ANK3: variants seen among roughly 807,000 people sequenced by gnomAD.
ANK3 encodes ankyrin-3.
ANK3 carries 57 observed loss-of-function variants against 370.9 expected under a neutral mutation model. That is an observed-to-expected ratio of 0.15 (90% CI 0.12 to 0.19). ANK3 has a LOEUF of 0.19. Among genes scored for constraint, ANK3 ranks in the 10% least tolerant of loss-of-function variants. The pLI is 1.00. For missense variants in ANK3, 4,439 were observed against 5,302.1 expected, an observed-to-expected ratio of 0.84 and a Z score of 5.06; for synonymous variants, 1,929 against 1,946.3, an observed-to-expected ratio of 0.99 and a Z score of 0.23.
chr10:60,100,026 CCATATATGCAAATG>C (rs1284111528), intron 28 of ANK3, among the ~76,000 whole-genome samples: 1 of 152,070 alleles, frequency 6.6e-6, no homozygotes. Flanking sequence ...TCTGGCAAAT[CCATATATGCAAATG>C]CATTAAAAAC....
At chr10:60,534,723 T>A in intron 2 of ANK3, among the ~76,000 whole-genome samples, 1 of 152,148 alleles carries the variant, frequency 6.6e-6, no homozygotes, top group East Asian at 1.9e-4. Context: ...GTGAGAAAAC[T>A]GTAATTAGCC....
At chr10:60,197,573 A>T (rs1440961372) in intron 14 of ANK3, among the ~76,000 whole-genome samples, 1 of 152,238 alleles carries the variant, frequency 6.6e-6, no homozygotes, top group Non-Finnish European at 1.5e-5. Context: ...AAGAGCCCAA[A>T]GAATCACAAG....
At chr10:60,442,005 C>G (rs1252155674) in intron 2 of ANK3, among the ~76,000 whole-genome samples, 1 of 152,028 alleles carries the variant, frequency 6.6e-6, no homozygotes, top group Non-Finnish European at 1.5e-5. Flanking sequence ...GTTTCAGGAC[C>G]CCCTGCAGAC....
At chr10:60,447,578 G>A (rs1485691144) in intron 2 of ANK3, among the ~76,000 whole-genome samples, 2 of 152,126 alleles carry the variant, frequency 1.3e-5, no homozygotes, top group Admixed American at 1.3e-4. Flanking sequence ...AAACAACAAG[G>A]GAATTCCAAA....
chr10:60,495,289 T>C (rs2075625679), intron 2 of ANK3, among the ~76,000 whole-genome samples: 1 of 152,340 alleles, frequency 6.6e-6, no homozygotes, highest in East Asian at 1.9e-4. Flanking sequence ...TCTAGAATGC[T>C]ACTACTCAAA....
intron 7 of ANK3, among the ~76,000 whole-genome samples, chr10:60,248,030 C>T (rs955454914): frequency 6.6e-6 from 1 of 152,210 alleles, no homozygotes; most frequent in African/African-American, 2.4e-5. Context: ...CTTTTTAAGG[C>T]TGAGGAATGT....
chr10:60,121,812 C>A (rs2093493692), intron 25 of ANK3, among the ~76,000 whole-genome samples: 1 of 151,864 alleles, frequency 6.6e-6, no homozygotes, highest in African/African-American at 2.4e-5. Context: ...TTGTTTGTAG[C>A]ACAAAGGACA....
At chr10:60,049,882 CT>C (rs1052131098) in intron 42 of ANK3, among the ~76,000 whole-genome samples, 2 of 152,074 alleles carry the variant, frequency 1.3e-5, no homozygotes, top group Non-Finnish European at 2.9e-5. Context: ...CCGCCTTCCA[CT>C]TTTTTTGCAT....
At position 60,282,817 on chromosome 10, in the gene ANK3, C is replaced by A. The variant is rs116652764; in HGVS notation, c.115-3178G>T. On this transcript the variant is annotated intron_variant, in intron 1 of 43. Coordinates refer to ENST00000280772, the MANE Select transcript of ANK3 (RefSeq NM_020987.5). ...CTTACCACACCAAAACCATAACAACCACCCACTTCAAATAAAAAGGGGGAA... is the reference window on the plus strand; with the variant it reads ...CTTACCACACCAAAACCATAACAACAACCCACTTCAAATAAAAAGGGGGAA... 1.8e-3 allele frequency among the ~76,000 whole-genome samples: 268 copies of A among 152,236 alleles called. 2 individuals carry two copies. Among genetic ancestry groups the A allele is most frequent in the South Asian group, 6.4e-3 (31 of 4,816 alleles).
intron 2 of ANK3, among the ~76,000 whole-genome samples, chr10:60,443,665 C>T (rs2064358933): frequency 1.3e-5 from 2 of 152,040 alleles, no homozygotes; most frequent in South Asian, 2.1e-4. Context: ...AAATAAAAGC[C>T]TTTGACATTC....
At chr10:60,403,199 A>T (rs2063386592) in intron 2 of ANK3, among the ~76,000 whole-genome samples, 1 of 152,222 alleles carries the variant, frequency 6.6e-6, no homozygotes, top group Non-Finnish European at 1.5e-5. Context: ...TACAAAAACA[A>T]TCATTACAAA....
chr10:60,695,302 G>C (rs1312278879), intron 1 of ANK3, among the ~76,000 whole-genome samples: 1 of 151,698 alleles, frequency 6.6e-6, no homozygotes, highest in Non-Finnish European at 1.5e-5. Flanking sequence ...ATTAATAATG[G>C]GAGACTTTAA....
At chr10:60,256,684 C>A (rs528398972) in intron 7 of ANK3, among the ~76,000 whole-genome samples, 15 of 152,184 alleles carry the variant, frequency 9.9e-5, no homozygotes, top group South Asian at 4.2e-4. Flanking sequence ...CATGAGTACC[C>A]CACATTTAGC....
chr10:60,230,676 G>A (rs1231139053), intron 8 of ANK3, among the ~76,000 whole-genome samples: 1 of 152,126 alleles, frequency 6.6e-6, no homozygotes, highest in African/African-American at 2.4e-5. Flanking sequence ...AGATCACGAG[G>A]TCAGGAGATC....
Position 60,263,111 on chromosome 10 carries a change from C to CAT in ANK3, c.699+722_699+723dup, listed in dbSNP as rs149929866. 1.6e-3 allele frequency among the ~76,000 whole-genome samples: 243 copies of CAT among 151,610 alleles called. 2 individuals carry two copies. Among genetic ancestry groups the CAT allele is most frequent in the African/African-American group, 4.0e-3 (166 of 41,360 alleles). On this transcript the variant is annotated intron_variant, in intron 6 of 43. Coordinates refer to ENST00000280772, the MANE Select transcript of ANK3 (RefSeq NM_020987.5). ...TGCAGATATAGACTACACGTATATG[C>CAT]ATATATATATATACCTCTGTTGTTC...
intron 38 of ANK3, among the ~76,000 whole-genome samples, chr10:60,067,573 TTTTGATTAATTAAG>T (rs1460408570): frequency 2.6e-5 from 4 of 152,218 alleles, no homozygotes; most frequent in African/African-American, 4.8e-5. Flanking sequence ...TGTGAAAGAA[TTTTGATTAATTAAG>T]TCATAGGCCT....
chr10:60,530,100 T>A (rs1224408767), intron 2 of ANK3, among the ~76,000 whole-genome samples: 1 of 152,140 alleles, frequency 6.6e-6, no homozygotes, highest in East Asian at 1.9e-4. Context: ...CCCTGCCTCC[T>A]TTCCCCCCAC....
chr10:60,234,448 T>C lies in ANK3; in HGVS notation c.897+240A>G, dbSNP rs148212872. ...AGCTTACAGTGTCTTGAAAATTAAA[T>C]GCAACAAGAACTCTAGAACTTTTAA... On this transcript the variant is annotated intron_variant, in intron 8 of 43. Transcript: ENST00000280772. Among the ~76,000 whole-genome samples the C allele has an allele frequency of 3.4e-3, 512 of 152,276 alleles. 4 individuals carry two copies. Among genetic ancestry groups the C allele is most frequent in the Middle Eastern group, 0.017 (5 of 294 alleles).
intron 23 of ANK3, among the ~76,000 whole-genome samples, chr10:60,142,236 A>G (rs1565279537): frequency 6.6e-6 from 1 of 152,134 alleles, no homozygotes; most frequent in African/African-American, 2.4e-5. Flanking sequence ...AACTCTTTAG[A>G]CTTTGAGCCT....
Sources: allele counts gnomAD v4.1 joint callset (sites outside exome capture counted in the v4.1 genomes callset), GRCh38; gene constraint gnomAD v4.1.1; transcripts MANE v1.5; gene names NCBI Gene and HGNC (gene_info 2026-07-23, HGNC 2026-07-21).